LPL: variants seen among roughly 807,000 people sequenced by gnomAD.
LPL encodes the protein lipoprotein lipase.
LPL carries 43 observed loss-of-function variants against 52.2 expected under a neutral mutation model. The ratio of observed to expected loss-of-function variants is 0.82; its 90% CI spans 0.64 to 1.06. The LOEUF is 1.06. Among genes scored for constraint, LPL ranks in the 50% least tolerant of loss-of-function variants. The pLI, the probability that LPL is intolerant of heterozygous loss-of-function variation, is 0.00. For synonymous variants in LPL, 244 were observed against 215.6 expected (o/e 1.13, Z -1.15); for missense variants, 639 against 585.3 (o/e 1.09, Z -0.95).
chr8:19,941,387 T>C (rs867432529), intron 1 of LPL, among the ~76,000 whole-genome samples: 1 of 152,224 alleles, frequency 6.6e-6, no homozygotes, highest in Non-Finnish European at 1.5e-5. Flanking sequence ...AAGTTTTTCC[T>C]AGGCTCCCTT....
chr8:19,949,489 T>A (rs925693331), intron 2 of LPL, among the ~76,000 whole-genome samples: 7 of 152,162 alleles, frequency 4.6e-5, no homozygotes, highest in Non-Finnish European at 4.4e-5. Flanking sequence ...AAAAGGAATC[T>A]TTTTCTTTTT....
chr8:19,964,470 A>C (rs1343029574), intron 9 of LPL, among the ~76,000 whole-genome samples: 2 of 152,328 alleles, frequency 1.3e-5, no homozygotes, highest in African/African-American at 4.8e-5. Flanking sequence ...GTCTGATTAT[A>C]GGATTACTGA....
intron 9 of LPL, 69 bp downstream of exon 9, chr8:19,962,288 T>C: frequency 1.7e-6 from 2 of 1,147,782 alleles, no homozygotes; most frequent in Non-Finnish European, 2.6e-6. Flanking sequence ...GCTTCATGCA[T>C]TCCTCTTCAC....
rs10095748 is a variant in LPL, at chr8:19,950,528, G to A, written c.250-1241G>A. 3.4e-3 allele frequency among the ~76,000 whole-genome samples: 513 copies of A among 152,246 alleles called. 3 individuals are homozygous for A. Among genetic ancestry groups the A allele is most frequent in the Middle Eastern group, 0.02 (6 of 294 alleles). Reference sequence around the variant, plus strand: ...AACTTGGAAACACTGGGCTGGGAGCGGTGGCTCATGCCTGTGATCCCAGCA... The same window carrying A: ...AACTTGGAAACACTGGGCTGGGAGCAGTGGCTCATGCCTGTGATCCCAGCA... On this transcript the variant is annotated intron_variant, in intron 2 of 9. Coordinates refer to ENST00000650287, the MANE Select transcript of LPL (RefSeq NM_000237.3). The surrounding 1 kb of genome is among the most constrained non-coding windows in gnomAD (Gnocchi z 4.2).
intron 4 of LPL, 87 bp downstream of exon 4, chr8:19,953,508 C>A: frequency 1.1e-6 from 1 of 930,218 alleles, no homozygotes; most frequent in Non-Finnish European, 1.7e-6. Context: ...TGTTAAATAC[C>A]CACATGTGTG....
At chr8:19,940,134 A>G (rs1285629458) in intron 1 of LPL, among the ~76,000 whole-genome samples, 1 of 152,064 alleles carries the variant, frequency 6.6e-6, no homozygotes, top group Non-Finnish European at 1.5e-5. Flanking sequence ...GGGGTGGAGA[A>G]AGTACGCGTG....
chr8:19,948,042 T>A, intron 1 of LPL, 138 bp from the exon 2 acceptor site: 1 of 826,942 alleles, frequency 1.2e-6, no homozygotes, highest in Non-Finnish European at 2.1e-6. Context: ...TCTCTTGCAA[T>A]CCACATTCGT....
intron 7 of LPL, among the ~76,000 whole-genome samples, chr8:19,960,673 T>C (rs1016206268): frequency 1.3e-5 from 2 of 152,240 alleles, no homozygotes; most frequent in African/African-American, 4.8e-5. Flanking sequence ...CTTTTAGAAT[T>C]GTATTAAATA....
intron 9 of LPL, among the ~76,000 whole-genome samples, chr8:19,964,561 G>A (rs933149205): frequency 9.2e-5 from 14 of 152,088 alleles, no homozygotes; most frequent in African/African-American, 2.9e-4. Context: ...AGACAGTCTC[G>A]TTCTGTTGCC....
rs1322156489 is a variant in LPL at position 19,950,448 on chromosome 8, A to T, written c.250-1321A>T. Among the ~76,000 whole-genome samples, 1 of 152,200 alleles carries T rather than the reference A, an allele frequency of 6.6e-6. No homozygotes were observed. Among genetic ancestry groups the T allele is most frequent in the Non-Finnish European group, 1.5e-5 (1 of 68,030 alleles). On this transcript the variant is annotated intron_variant, in intron 2 of 9. Coordinates refer to ENST00000650287, the MANE Select transcript of LPL (RefSeq NM_000237.3). This position sits in a 1 kb window ranked among gnomAD's most constrained non-coding sequence, Gnocchi z 4.2. Reference sequence around the variant, plus strand: ...TTCAATTAGCTATTGTTCGGTTAATAAAAATGTCAGCCACTGTAGGAGTAA... The same window carrying T: ...TTCAATTAGCTATTGTTCGGTTAATTAAAATGTCAGCCACTGTAGGAGTAA...
At chr8:19,953,932 C>T (rs1471346456) in intron 4 of LPL, among the ~76,000 whole-genome samples, 188 bp from the exon 5 acceptor site, 1 of 152,204 alleles carries the variant, frequency 6.6e-6, no homozygotes, top group Non-Finnish European at 1.5e-5. Context: ...GTTTAAGAGA[C>T]TCAAATTCAT....
Position 19,961,081 on chromosome 8 carries a change from A to G in LPL, c.1320A>G (p.Lys440=), listed in dbSNP as rs1266773184. The G allele has an allele frequency of 6.2e-7, 1 of 1,613,940 alleles. No individual in the cohort carries two copies. Among genetic ancestry groups the G allele is most frequent in the Non-Finnish European group, 8.5e-7 (1 of 1,180,000 alleles). Residue 440 remains lysine, a splice_region_variant and synonymous_variant, in exon 8 of 10, where the codon AAA becomes AAG. Coordinates refer to ENST00000650287, the MANE Select transcript of LPL (RefSeq NM_000237.3). ...KIRVKAGETQ[K]KVIFCSREKV... is the part of the protein sequence containing the mutation. The stretch of plus-strand genomic sequence containing the variant: ...GAGTAAAAGCAGGAGAGACTCAGAA[A>G]AAGTAATTAAATGTATTTTTCTTCC...
At chr8:19,947,341 C>A (rs1590138706) in intron 1 of LPL, among the ~76,000 whole-genome samples, 2 of 152,020 alleles carry the variant, frequency 1.3e-5, no homozygotes, top group South Asian at 4.2e-4. Context: ...CTCATCTCTA[C>A]TAAAAATCCA....
At chr8:19,958,065 G>A (rs1360365111) in intron 6 of LPL, among the ~76,000 whole-genome samples, 1 of 151,174 alleles carries the variant, frequency 6.6e-6, no homozygotes, top group Non-Finnish European at 1.5e-5. Flanking sequence ...AGTTACCCAG[G>A]CTGGAGTGCA....
chr8:19,954,189 A>T lies in LPL; in HGVS notation c.611A>T (p.Asp204Val). ...AGTCGTCTTTCTCCTGATGATGCAGATTTTGTAGACGTCTTACACACATTC... is the reference window on the plus strand; with the variant it reads ...AGTCGTCTTTCTCCTGATGATGCAGTTTTTGTAGACGTCTTACACACATTC... ...APSRLSPDDADFVDVLHTFTR... is the reference protein window; with the variant it reads ...APSRLSPDDAVFVDVLHTFTR... Residue 204 changes from aspartate (D) to valine (V), a missense_variant, in exon 5 of 10, where the codon GAT (aspartate) becomes GTT (valine). Transcript: ENST00000650287. 1 of 1,614,154 alleles carries T rather than the reference A, an allele frequency of 6.2e-7. No homozygotes were observed. Among genetic ancestry groups the T allele is most frequent in the Non-Finnish European group, 8.5e-7 (1 of 1,180,042 alleles).
Position 19,954,269 on chromosome 8 carries a change from G to A in LPL, c.691G>A (p.Asp231Asn), listed in dbSNP as rs2128838188. The A allele has an allele frequency of 6.2e-7, 1 of 1,614,192 alleles. No individual in the cohort carries two copies. Among genetic ancestry groups the A allele is most frequent in the Non-Finnish European group, 8.5e-7 (1 of 1,180,044 alleles). The change falls in exon 5 of 10, where the codon GAC (aspartate) becomes AAC (asparagine). Residue 231 changes from aspartate to asparagine, a missense_variant. By Grantham distance (23) the Asp-to-Asn change is conservative (BLOSUM62 1). Transcript: ENST00000650287. ...AATCCAGAAACCAGTTGGGCATGTT[G>A]ACATTTACCCGAATGGAGGTACTTT... ...IGIQKPVGHV[D>N]IYPNGGTFQP...
intron 4 of LPL, among the ~76,000 whole-genome samples, chr8:19,953,761 T>A: frequency 6.6e-6 from 1 of 152,062 alleles, no homozygotes; most frequent in East Asian, 1.9e-4. Flanking sequence ...AAGGACCAAT[T>A]CCAGAGGCCA....
At chr8:19,958,122 G>A (rs892201009) in intron 6 of LPL, among the ~76,000 whole-genome samples, 3 of 151,856 alleles carry the variant, frequency 2.0e-5, no homozygotes, top group East Asian at 1.9e-4. Flanking sequence ...CGGTTCAAGC[G>A]ATTCTCCTGC....
At chr8:19,951,083 G>A (rs1033421926) in intron 2 of LPL, among the ~76,000 whole-genome samples, 4 of 152,184 alleles carry the variant, frequency 2.6e-5, no homozygotes, top group Non-Finnish European at 4.4e-5. Context: ...GAAGGGAAAT[G>A]AGGAGGCTCT....
Sources: gnomAD v4.1 joint callset for allele counts (sites outside exome capture counted in the v4.1 genomes callset) on GRCh38, gnomAD v4.1.1 for gene constraint, Gnocchi (gnomAD v3.1) non-coding constraint, MANE v1.5 for transcripts, NCBI Gene and HGNC (gene_info 2026-07-23, HGNC 2026-07-21) for gene names.